Variants in DERL2 observed in about 807,000 individuals in gnomAD.
DERL2 encodes the protein derlin 2.
In DERL2, 13 loss-of-function variants were observed where a neutral mutation model predicts 32.0. The observed-to-expected ratio is 0.41, with a 90% CI of 0.26 to 0.65. The LOEUF (loss-of-function observed/expected upper bound fraction) is 0.65, where lower values mean the gene tolerates loss of function less well. Among genes scored for constraint, DERL2 ranks in the 30% least tolerant of loss-of-function variants. The pLI, the probability that DERL2 is intolerant of heterozygous loss-of-function variation, is 0.35. For missense variants in DERL2, 208 were observed against 296.3 expected, an observed-to-expected ratio of 0.70 and a Z score of 2.19; for synonymous variants, 111 against 104.7, an observed-to-expected ratio of 1.06 and a Z score of -0.37.
chr17:5,481,464 A>G lies in DERL2; in HGVS notation c.234-75T>C, dbSNP rs1905777950. On this transcript the variant is annotated intron_variant, in intron 3 of 6. Transcript: ENST00000158771. This position sits in a 1 kb window ranked among gnomAD's most constrained non-coding sequence, Gnocchi z 4.4. ...AAAAATTTAATGTTATCTTGTAAGT[A>G]CACTTGGATTCCATATTATTTGTAA... The G allele has an allele frequency of 1.0e-6, 1 of 984,684 alleles. No individual in the cohort carries two copies. The highest frequency in any genetic ancestry group is 1.6e-6 in the Non-Finnish European group (1 of 623,772). 61.0% of individuals were successfully genotyped at this position (984,684 alleles called of 1,614,324 possible).
intron 2 of DERL2, 131 bp from the exon 3 acceptor site, chr17:5,483,013 TC>T (rs1905893564): frequency 2.1e-6 from 1 of 468,596 alleles, no homozygotes; most frequent in Non-Finnish European, 3.8e-6. Flanking sequence ...GATACTCTGT[TC>T]TGAAACAAAA....
chr17:5,482,944 C>T lies in DERL2; in HGVS notation c.160-62G>A, dbSNP rs1264234241. On this transcript the variant is annotated intron_variant, in intron 2 of 6. Coordinates refer to ENST00000158771, the MANE Select transcript of DERL2 (RefSeq NM_016041.5). ...AAAATAAATTACCAGGAAACAGTTCCATATTAATACAAAAGAAACATCCTA... is the reference window on the plus strand; with the variant it reads ...AAAATAAATTACCAGGAAACAGTTCTATATTAATACAAAAGAAACATCCTA... 4 of 894,258 alleles carry T rather than the reference C, an allele frequency of 4.5e-6. No homozygotes were observed. The Admixed American group carries it at 8.5e-5, about 19-fold the overall frequency. The allele number at this position is 894,258 out of a possible 1,614,324, so 55.4% of individuals were successfully genotyped here.
chr17:5,475,331 C>G (rs555515785), intron 6 of DERL2, among the ~76,000 whole-genome samples: 2 of 151,234 alleles, frequency 1.3e-5, no homozygotes, highest in African/African-American at 2.4e-5. Context: ...GCGATCTCGG[C>G]TCACTGCAAC....
chr17:5,483,849 C>T (rs556002256), intron 2 of DERL2, among the ~76,000 whole-genome samples: 2 of 152,282 alleles, frequency 1.3e-5, no homozygotes, highest in South Asian at 2.1e-4. Context: ...GGAACTACAG[C>T]GCCATGTGAG....
intron 4 of DERL2, 114 bp from the exon 5 acceptor site, chr17:5,480,696 T>TA (rs1193268383): frequency 1.6e-5 from 15 of 956,196 alleles, no homozygotes; most frequent in Non-Finnish European, 2.2e-5. Context: ...GTCAAGTTGT[T>TA]ACATCTTTAG....
At position 5,471,667 on chromosome 17, in the gene DERL2, C is replaced by G. The variant is rs1905132833; in HGVS notation, c.*3017G>C. The G allele has an allele frequency of 6.6e-6, 1 of 152,172 alleles. No individual in the cohort carries two copies. The highest frequency in any genetic ancestry group is 1.5e-5 in the Non-Finnish European group (1 of 68,022). The allele number at this position is 152,172 out of a possible 1,614,324, so 9.4% of individuals were successfully genotyped here. On this transcript the variant is annotated 3_prime_UTR_variant, in exon 7 of 7. Transcript: ENST00000158771. ...TAAGAAGTCACTGTGGATTTCTGAGCAGAGGAGTGACTTGATCATACAAGA... is the reference window on the plus strand; with the variant it reads ...TAAGAAGTCACTGTGGATTTCTGAGGAGAGGAGTGACTTGATCATACAAGA...
rs543023589 is a variant in DERL2 at position 5,474,509 on chromosome 17, G to A, written c.*175C>T. 22 of 523,604 alleles carry A rather than the reference G, an allele frequency of 4.2e-5. No homozygotes were observed. Among genetic ancestry groups the A allele is most frequent in the Middle Eastern group, 5.0e-4 (1 of 1,992 alleles). 32.4% of individuals were successfully genotyped at this position (523,604 alleles called of 1,614,324 possible). ...GTACCAGTGTAGTGAGGAACCACTG[G>A]CAAACTGTTGGAAATGTCTTCTGGA... On this transcript the variant is annotated 3_prime_UTR_variant, in exon 7 of 7. Transcript: ENST00000158771. The surrounding 1 kb of genome is among the most constrained non-coding windows in gnomAD (Gnocchi z 4.3).
chr17:5,485,241 A>G, intron 1 of DERL2, 25 bp from the exon 2 acceptor site: 1 of 1,490,728 alleles, frequency 6.7e-7, no homozygotes, highest in Non-Finnish European at 8.9e-7. Context: ...GAGCTTCTTA[A>G]AGCAAATCAA....
chr17:5,479,119 C>T (rs1905587225), intron 6 of DERL2, among the ~76,000 whole-genome samples: 1 of 152,152 alleles, frequency 6.6e-6, no homozygotes. Context: ...GTTGTCCAGG[C>T]TGGAATGCAG....
At chr17:5,484,828 A>C (rs1199329611) in intron 2 of DERL2, among the ~76,000 whole-genome samples, 1 of 152,222 alleles carries the variant, frequency 6.6e-6, no homozygotes, top group African/African-American at 2.4e-5. Context: ...GTTAAGTCTA[A>C]ACCAGTGATT....
upstream of DERL2, chr17:5,486,184 AC>A (rs773283627): frequency 1.8e-5 from 14 of 789,454 alleles, no homozygotes; most frequent in Admixed American, 3.7e-5. Flanking sequence ...CGCCTGCCCC[AC>A]CCCCCACCCA....
chr17:5,476,611 A>G (rs1020833442), intron 6 of DERL2, among the ~76,000 whole-genome samples: 1 of 152,102 alleles, frequency 6.6e-6, no homozygotes, highest in Non-Finnish European at 1.5e-5. Flanking sequence ...GCAAAACCCT[A>G]TCTCTACTAA....
At chr17:5,484,336 T>A (rs376478853) in intron 2 of DERL2, among the ~76,000 whole-genome samples, 2 of 152,252 alleles carry the variant, frequency 1.3e-5, no homozygotes, top group African/African-American at 4.8e-5. Flanking sequence ...AACCTCCGCC[T>A]CCCGGGTTCA....
intron 6 of DERL2, among the ~76,000 whole-genome samples, chr17:5,479,497 A>T (rs1161078821): frequency 9.4e-5 from 3 of 31,916 alleles, no homozygotes; most frequent in South Asian, 1.7e-3. Flanking sequence ...GACTCCATGT[A>T]AAAAAAAAAA....
At chr17:5,486,354 C>T (rs1416308264), upstream of DERL2, 6 of 444,680 alleles carry the variant, frequency 1.3e-5, no homozygotes, top group Non-Finnish European at 2.3e-5. Flanking sequence ...TGCGTCGCCA[C>T]CGCCCCCCCC....
chr17:5,481,520 TTGAG>T lies in DERL2; in HGVS notation c.234-135_234-132del. 1 of 676,050 alleles carries T rather than the reference TTGAG, an allele frequency of 1.5e-6. No individual in the cohort carries two copies. The highest frequency in any genetic ancestry group is 2.5e-6 in the Non-Finnish European group (1 of 393,462). 41.9% of individuals were successfully genotyped at this position (676,050 alleles called of 1,614,324 possible). On this transcript the variant is annotated intron_variant, in intron 3 of 6. Transcript: ENST00000158771. The surrounding 1 kb of genome is among the most constrained non-coding windows in gnomAD (Gnocchi z 4.4). ...CAAGTCTTCATTTGTATAAGAATGT[TTGAG>T]TGGTAATGTGATTACTTTTTTACCA...
chr17:5,481,681 G>A lies in DERL2; in HGVS notation c.234-292C>T, dbSNP rs917679997. Among the ~76,000 whole-genome samples, 1 of 150,534 alleles carries A rather than the reference G, an allele frequency of 6.6e-6. No homozygotes were observed. The highest frequency in any genetic ancestry group is 2.0e-4 in the East Asian group (1 of 5,120). On this transcript the variant is annotated intron_variant, in intron 3 of 6. Coordinates refer to ENST00000158771, the MANE Select transcript of DERL2 (RefSeq NM_016041.5). The surrounding 1 kb of genome is among the most constrained non-coding windows in gnomAD (Gnocchi z 4.4). ...TTTTTTTCTTTTGAGACAGAGTCTC[G>A]CTCTGTCACCTAGGATGGAGTGCAA...
In DERL2 at chr17:5,474,837, T is replaced by A. The variant is rs764352407; in HGVS notation, c.615-48A>T. ...AATTTGGTCCCAGAGTCATCTCAGG[T>A]CCAAAGTACTACAAGGTCAGTTCAG... On this transcript the variant is annotated intron_variant, in intron 6 of 6. Coordinates refer to ENST00000158771, the MANE Select transcript of DERL2 (RefSeq NM_016041.5). The surrounding 1 kb of genome is among the most constrained non-coding windows in gnomAD (Gnocchi z 4.3). The A allele has an allele frequency of 6.8e-7, 1 of 1,469,224 alleles. No homozygotes were observed. Among genetic ancestry groups the A allele is most frequent in the Non-Finnish European group, 9.5e-7 (1 of 1,054,926 alleles). The allele number at this position is 1,469,224 out of a possible 1,614,324, so 91.0% of individuals were successfully genotyped here.
chr17:5,480,158 G>A lies in DERL2; in HGVS notation c.524-14C>T. ...CAACTGCAATACCTAGAGTCAAGCA[G>A]AAATAAAGGATGAGGGAGAGAATTA... is the stretch of plus-strand genomic sequence containing the variant. On this transcript the variant is annotated splice_polypyrimidine_tract_variant and intron_variant, in intron 5 of 6. Transcript: ENST00000158771. The A allele has an allele frequency of 6.5e-7, 1 of 1,546,522 alleles. No homozygotes were observed.
Sources: allele counts gnomAD v4.1 joint callset (sites outside exome capture counted in the v4.1 genomes callset), GRCh38; gene constraint gnomAD v4.1.1; non-coding constraint Gnocchi (gnomAD v3.1); transcripts MANE v1.5; gene names NCBI Gene and HGNC (gene_info 2026-07-23, HGNC 2026-07-21).